Variants in KPNA1 observed in about 807,000 individuals in gnomAD.
KPNA1 encodes the protein importin subunit alpha-5.
In KPNA1, 10 loss-of-function variants were observed where a neutral mutation model predicts 70.5. That is an observed-to-expected ratio of 0.14 (90% CI 0.09 to 0.24). KPNA1 has a LOEUF of 0.24. KPNA1 is among the 10% of genes least tolerant of loss of function. The probability of loss-of-function intolerance (pLI) is 1.00; values close to 1 mark genes in which losing one functional copy is unlikely to be tolerated. For synonymous variants in KPNA1, 192 were observed against 221.9 expected (o/e 0.87, Z 1.20); for missense variants, 397 against 637.9 (o/e 0.62, Z 4.07).
intron 1 of KPNA1, among the ~76,000 whole-genome samples, chr3:122,509,601 C>CT (rs1186876966): frequency 6.6e-6 from 1 of 152,072 alleles, no homozygotes; most frequent in Admixed American, 6.5e-5. Flanking sequence ...AGAAAAAGAC[C>CT]TTTGCAAGGT....
At chr3:122,477,490 A>G (rs2076516129) in intron 2 of KPNA1, among the ~76,000 whole-genome samples, 1 of 152,104 alleles carries the variant, frequency 6.6e-6, no homozygotes, top group Admixed American at 6.5e-5. Flanking sequence ...ATTTGAGACC[A>G]GGAGTTCAAG....
rs1205637596 is a variant in KPNA1, at chr3:122,478,787, CT to C, written c.130-11359del. On this transcript the variant is annotated intron_variant, in intron 2 of 13. Transcript: ENST00000344337. ...GAAGGCACTTGTAATCCCAGCTACT[CT>C]GGAGCTGAGGCAGGAGAATCGCTTG... is the stretch of plus-strand genomic sequence containing the variant. Among the ~76,000 whole-genome samples the C allele has an allele frequency of 8.3e-5, 12 of 144,892 alleles. No homozygotes were observed. The South Asian group carries it at 2.0e-3, about 24-fold the overall frequency.
intron 6 of KPNA1, among the ~76,000 whole-genome samples, chr3:122,452,727 G>T (rs1485129282): frequency 7.0e-5 from 10 of 143,438 alleles, no homozygotes; most frequent in African/African-American, 2.8e-4. Context: ...AGGAGGGAAG[G>T]AGAGACGGAG....
intron 2 of KPNA1, among the ~76,000 whole-genome samples, chr3:122,487,301 T>A (rs1031519599): frequency 6.6e-6 from 1 of 152,050 alleles, no homozygotes; most frequent in Non-Finnish European, 1.5e-5. Context: ...CAAATGGAAA[T>A]CAAAACTACC....
intron 3 of KPNA1, chr3:122,464,291 T>C (rs1333491504): frequency 1.2e-5 from 4 of 338,956 alleles, no homozygotes; most frequent in African/African-American, 4.2e-5. Context: ...AAGGAGCTTA[T>C]TGCTCTTCCC....
intron 2 of KPNA1, among the ~76,000 whole-genome samples, chr3:122,484,437 G>C (rs1450345337): frequency 6.6e-6 from 1 of 152,046 alleles, no homozygotes; most frequent in Non-Finnish European, 1.5e-5. Context: ...GAGGCAGGCA[G>C]ATCACCTAAG....
intron 4 of KPNA1, among the ~76,000 whole-genome samples, chr3:122,463,125 G>A (rs368817216): frequency 1.1e-3 from 174 of 152,238 alleles, no homozygotes; most frequent in African/African-American, 3.9e-3. Flanking sequence ...GCCGAGGCAG[G>A]AGGATCACAA....
intron 2 of KPNA1, among the ~76,000 whole-genome samples, chr3:122,487,378 TATC>T (rs2076641228): frequency 6.6e-6 from 1 of 152,188 alleles, no homozygotes; most frequent in Non-Finnish European, 1.5e-5. Context: ...AAAATGAAAT[TATC>T]ATTATGATCT....
At position 122,422,702 on chromosome 3, in the gene KPNA1, G is replaced by C. The variant is rs1000065394; in HGVS notation, c.*4283C>G. On this transcript the variant is annotated 3_prime_UTR_variant, in exon 14 of 14. Transcript: ENST00000344337. Reference sequence around the variant, plus strand: ...TAACCTTGGGGCAAAGTAATTTCTCGTAAGTCTTCACTTTGTCATCTATAA... The same window carrying C: ...TAACCTTGGGGCAAAGTAATTTCTCCTAAGTCTTCACTTTGTCATCTATAA... 6.6e-6 allele frequency: 1 copy of C among 152,168 alleles called. No homozygotes were observed. Among genetic ancestry groups the C allele is most frequent in the African/African-American group, 2.4e-5 (1 of 41,428 alleles). 9.4% of individuals were successfully genotyped at this position (152,168 alleles called of 1,614,324 possible).
At chr3:122,501,278 C>T (rs1482881871) in intron 1 of KPNA1, among the ~76,000 whole-genome samples, 2 of 152,158 alleles carry the variant, frequency 1.3e-5, no homozygotes, top group African/African-American at 4.8e-5. Context: ...CACCCACCTC[C>T]GCGTCCTGAA....
intron 4 of KPNA1, among the ~76,000 whole-genome samples, chr3:122,463,220 C>T (rs886856993): frequency 5.3e-5 from 8 of 151,886 alleles, no homozygotes; most frequent in Non-Finnish European, 8.8e-5. Flanking sequence ...CGGTGGCGAG[C>T]GCCTGTAGTC....
At chr3:122,502,376 G>T (rs1426048412) in intron 1 of KPNA1, among the ~76,000 whole-genome samples, 1 of 152,206 alleles carries the variant, frequency 6.6e-6, no homozygotes, top group Admixed American at 6.5e-5. Context: ...GTCCCACCCT[G>T]ATAAGACTGG....
intron 4 of KPNA1, 115 bp downstream of exon 4, chr3:122,463,826 AT>A: frequency 2.0e-6 from 1 of 506,834 alleles, no homozygotes; most frequent in Non-Finnish European, 3.5e-6. Flanking sequence ...CTGTATTTTT[AT>A]TCTTTTATTG....
rs771608931 is a variant in KPNA1, at chr3:122,449,681, T to TG, written c.809_810insC (p.Leu271ThrfsTer3). ...AGAGGGCCCAGCAGGCATCAGCCAG[T>TG]ACATCAGTGTCACTGACAAACAGCA... On this transcript the variant is annotated frameshift_variant, in exon 9 of 14. Transcript: ENST00000344337. LOFTEE classifies it high-confidence loss of function. 6.2e-7 allele frequency: 1 copy of TG among 1,613,892 alleles called. No individual in the cohort carries two copies. The highest frequency in any genetic ancestry group is 8.5e-7 in the Non-Finnish European group (1 of 1,179,908).
intron 1 of KPNA1, among the ~76,000 whole-genome samples, chr3:122,512,923 T>C (rs1319939933): frequency 6.6e-6 from 1 of 151,950 alleles, no homozygotes; most frequent in Non-Finnish European, 1.5e-5. Context: ...GCTACTCAAC[T>C]ATAATAACTG....
intron 5 of KPNA1, chr3:122,459,380 C>T (rs1268827123): frequency 3.1e-6 from 3 of 978,228 alleles, no homozygotes; most frequent in African/African-American, 3.5e-5. Flanking sequence ...CATCTACTCT[C>T]ATTCCCAGAG....
In KPNA1 at chr3:122,426,800, C is replaced by A; in HGVS notation, c.*185G>T. On this transcript the variant is annotated 3_prime_UTR_variant, in exon 14 of 14. Coordinates refer to ENST00000344337, the MANE Select transcript of KPNA1 (RefSeq NM_002264.4). ...TTACCCTTTTATTAGAAGGGTATTC[C>A]ACCACAGAGAGCCGGAGGTTTTCCA... 2.0e-6 allele frequency: 1 copy of A among 506,252 alleles called. No homozygotes were observed. The highest frequency in any genetic ancestry group is 3.5e-6 in the Non-Finnish European group (1 of 286,128). 31.4% of individuals were successfully genotyped at this position (506,252 alleles called of 1,614,324 possible). A position where few individuals can be genotyped will look rare whatever the true frequency, so the allele number is the denominator to read the frequency against.
intron 12 of KPNA1, among the ~76,000 whole-genome samples, chr3:122,429,469 A>AAAAAAAAAT (rs1553780496): frequency 6.7e-6 from 1 of 149,820 alleles, no homozygotes; most frequent in Non-Finnish European, 1.5e-5. Flanking sequence ...AAAAAAAAAA[A>AAAAAAAAAT]GAATCTCATT....
At chr3:122,461,357 GATT>G in intron 4 of KPNA1, 39 bp from the exon 5 acceptor site, 1 of 1,383,652 alleles carries the variant, frequency 7.2e-7, no homozygotes, top group Non-Finnish European at 1.0e-6. Flanking sequence ...AAAATCCTTT[GATT>G]TCAATGCAAG....
Sources: gnomAD v4.1 joint callset for allele counts (sites outside exome capture counted in the v4.1 genomes callset) on GRCh38, gnomAD v4.1.1 for gene constraint, MANE v1.5 for transcripts, NCBI Gene and HGNC (gene_info 2026-07-23, HGNC 2026-07-21) for gene names.